The following DOP1A variants were observed in gnomAD, a reference collection of about 807,000 sequenced individuals.
DOP1A encodes protein DOP1A.
In DOP1A, 90 loss-of-function variants were observed where a neutral mutation model predicts 267.6. The observed-to-expected ratio is 0.34, with a 90% CI of 0.28 to 0.40. The LOEUF (loss-of-function observed/expected upper bound fraction) is 0.40, where lower values mean the gene tolerates loss of function less well. Among genes scored for constraint, DOP1A ranks in the 10% least tolerant of loss-of-function variants. DOP1A has a pLI of 1.00. For missense variants in DOP1A, 2,437 were observed against 2,900.4 expected, an observed-to-expected ratio of 0.84 and a Z score of 3.67; for synonymous variants, 932 against 999.1, an observed-to-expected ratio of 0.93 and a Z score of 1.27.
chr6:83,147,402 A>G (rs1562363941), intron 26 of DOP1A, 111 bp downstream of exon 26: 1 of 467,374 alleles, frequency 2.1e-6, no homozygotes. Flanking sequence ...AGCCATGTAT[A>G]TCCTACAAAC....
rs757031104 is a variant in DOP1A at position 83,137,287 on chromosome 6, T to A, written c.3245T>A (p.Leu1082Gln). The A allele has an allele frequency of 1.9e-6, 3 of 1,613,766 alleles. No homozygotes were observed. The South Asian group carries it at 3.3e-5, about 18-fold the overall frequency. ...VNPLSDRLSL[L>Q]STSSETIPMV... is the part of the protein sequence containing the mutation. ...CCATTAAGTGACAGACTTTCCCTCCTAAGTACCAGCAGTGAGACAATTCCA... is the reference window on the plus strand; with the variant it reads ...CCATTAAGTGACAGACTTTCCCTCCAAAGTACCAGCAGTGAGACAATTCCA... Residue 1082 changes from leucine to glutamine, a missense_variant, in exon 21 of 39, where the codon CTA becomes CAA. Leu to Gln is a moderately radical substitution (Grantham distance 113). Coordinates refer to ENST00000349129, the MANE Select transcript of DOP1A (RefSeq NM_015018.4).
intron 38 of DOP1A, chr6:83,167,565 A>G: frequency 9.2e-7 from 1 of 1,082,476 alleles, no homozygotes; most frequent in Non-Finnish European, 1.1e-6. Context: ...ACAAAGCACA[A>G]CATAAAACTT....
chr6:83,112,179 ATTCT>A (rs1388542567), intron 6 of DOP1A, among the ~76,000 whole-genome samples: 6 of 152,182 alleles, frequency 3.9e-5, no homozygotes, highest in African/African-American at 1.4e-4. Context: ...TCAAAGGAGT[ATTCT>A]TTCTAATATT....
At chr6:83,077,173 C>T (rs2128000082) in intron 1 of DOP1A, among the ~76,000 whole-genome samples, 1 of 151,064 alleles carries the variant, frequency 6.6e-6, no homozygotes, top group Non-Finnish European at 1.5e-5. Flanking sequence ...TGTGAATGTA[C>T]TTAACACTAC....
At chr6:83,170,385 T>A (rs199998117), downstream of DOP1A, 1 of 1,614,032 alleles carries the variant, frequency 6.2e-7, no homozygotes, top group Non-Finnish European at 8.5e-7. Flanking sequence ...AGCTTGTACT[T>A]CTTCACCAGG....
chr6:83,170,192 C>A, downstream of DOP1A: 1 of 939,950 alleles, frequency 1.1e-6, no homozygotes. Context: ...ACCTAAAAGG[C>A]TCAACAAAAT....
At chr6:83,126,335 G>A (rs1158482248) in intron 15 of DOP1A, among the ~76,000 whole-genome samples, 2 of 151,936 alleles carry the variant, frequency 1.3e-5, no homozygotes, top group Non-Finnish European at 2.9e-5. Context: ...TCTGGTCTGT[G>A]GATTTATCCA....
intron 1 of DOP1A, among the ~76,000 whole-genome samples, chr6:83,079,194 A>G (rs1450931222): frequency 1.3e-5 from 2 of 152,218 alleles, no homozygotes; most frequent in African/African-American, 4.8e-5. Context: ...TTAAAAAAGC[A>G]TCTTTAAATA....
At chr6:83,111,156 G>A (rs1774494542) in intron 6 of DOP1A, among the ~76,000 whole-genome samples, 1 of 151,838 alleles carries the variant, frequency 6.6e-6, no homozygotes, top group Non-Finnish European at 1.5e-5. Flanking sequence ...ATCCACGTTG[G>A]TCAGGCTGGC....
At position 83,162,828 on chromosome 6, in the gene DOP1A, C is replaced by T; in HGVS notation, c.7001C>T (p.Ser2334Leu). The T allele has an allele frequency of 6.2e-7, 1 of 1,613,412 alleles. No individual in the cohort carries two copies. The highest frequency in any genetic ancestry group is 1.3e-5 in the African/African-American group (1 of 75,004). Residue 2334 changes from serine (S) to leucine (L), a missense_variant, in exon 38 of 39, where the codon TCA becomes TTA. By Grantham distance (145) the Ser-to-Leu change is moderately radical. This residue lies in a region of DOP1A where 197 missense variants were observed against 246.5 expected (regional missense o/e 0.80). Coordinates refer to ENST00000349129, the MANE Select transcript of DOP1A (RefSeq NM_015018.4). ...TTTATTCCAGAAGCCTCAGATGATT[C>T]AGGTTTGGAAGTCAGAAGGCAGGGT... ...WAFIPEASDD[S>L]GLEVRRQGIH...
rs755896277 is a variant in DOP1A at position 83,110,088 on chromosome 6, A to G, written c.492-37A>G. ...TTTATTTTTTAAAATATGAAACTAAATGTTTCCCTTCTTAAACCACTTTAT... is the reference window on the plus strand; with the variant it reads ...TTTATTTTTTAAAATATGAAACTAAGTGTTTCCCTTCTTAAACCACTTTAT... On this transcript the variant is annotated intron_variant, in intron 5 of 38. Coordinates refer to ENST00000349129, the MANE Select transcript of DOP1A (RefSeq NM_015018.4). The G allele has an allele frequency of 5.3e-6, 8 of 1,509,468 alleles. No homozygotes were observed. The African/African-American group carries it at 1.1e-4, about 21-fold the overall frequency. 93.5% of individuals were successfully genotyped at this position (1,509,468 alleles called of 1,614,324 possible).
rs202055853 is a variant in DOP1A at position 83,113,451 on chromosome 6, G to A, written c.780+30G>A. 11 of 1,560,568 alleles carry A rather than the reference G, an allele frequency of 7.0e-6. No homozygotes were observed. In the Admixed American group the frequency reaches 1.7e-4, roughly 24 times the overall value. On this transcript the variant is annotated intron_variant, in intron 7 of 38. Coordinates refer to ENST00000349129, the MANE Select transcript of DOP1A (RefSeq NM_015018.4). Reference sequence around the variant, plus strand: ...AATATTAACGCCGATGTTATTATAAGGCATTCTTGGAAAACTGTAGATTGA... The same window carrying A: ...AATATTAACGCCGATGTTATTATAAAGCATTCTTGGAAAACTGTAGATTGA...
At chr6:83,093,028 C>CT (rs1489624980) in intron 1 of DOP1A, among the ~76,000 whole-genome samples, 1 of 152,166 alleles carries the variant, frequency 6.6e-6, no homozygotes, top group Non-Finnish European at 1.5e-5. Flanking sequence ...GGAAGAAGTA[C>CT]TGTATGACTG....
At chr6:83,158,091 C>T (rs1783232946) in intron 35 of DOP1A, among the ~76,000 whole-genome samples, 1 of 151,996 alleles carries the variant, frequency 6.6e-6, no homozygotes. Context: ...CTCTGCCTCC[C>T]GGGTTCAGGC....
At chr6:83,103,508 G>T (rs1224805018) in intron 4 of DOP1A, among the ~76,000 whole-genome samples, 1 of 152,110 alleles carries the variant, frequency 6.6e-6, no homozygotes, top group South Asian at 2.1e-4. Context: ...TCTATGAATT[G>T]ATGCCTTTCA....
At chr6:83,149,763 C>T (rs1310060910) in intron 27 of DOP1A, among the ~76,000 whole-genome samples, 1 of 151,816 alleles carries the variant, frequency 6.6e-6, no homozygotes, top group Admixed American at 6.6e-5. Flanking sequence ...ATTGAAAGAA[C>T]AGGATAAAGA....
At chr6:83,155,036 AGTT>A (rs1388790226) in intron 33 of DOP1A, among the ~76,000 whole-genome samples, 1 of 152,204 alleles carries the variant, frequency 6.6e-6, no homozygotes, top group Non-Finnish European at 1.5e-5. Context: ...AAATTTTAAA[AGTT>A]GTGAAGGAAA....
rs763420601 is a variant in DOP1A, at chr6:83,120,715, T to C, written c.1023T>C (p.Phe341=). Residue 341 remains phenylalanine, a synonymous_variant, in exon 10 of 39, where the codon TTT becomes TTC. Transcript: ENST00000349129. ...TGGGAATCTTACAAGTGAATGGATT[T>C]GGAGAAGAGAACACTCTAATGCAGG... The part of the protein sequence containing the change: ...AMVGILQVNG[F]GEENTLMQDL... 6.3e-7 allele frequency: 1 copy of C among 1,588,422 alleles called. No homozygotes were observed. The highest frequency in any genetic ancestry group is 1.1e-5 in the South Asian group (1 of 87,798).
At chr6:83,093,867 CT>C (rs1179120130) in intron 1 of DOP1A, among the ~76,000 whole-genome samples, 4 of 152,206 alleles carry the variant, frequency 2.6e-5, no homozygotes, top group African/African-American at 9.6e-5. Flanking sequence ...GATGGCGCCA[CT>C]GCACTCCAGC....
Sources: allele counts gnomAD v4.1 joint callset (sites outside exome capture counted in the v4.1 genomes callset), GRCh38; gene constraint gnomAD v4.1.1; regional missense constraint gnomAD v4.1.1; transcripts MANE v1.5; gene names NCBI Gene and HGNC (gene_info 2026-07-23, HGNC 2026-07-21).